EYS: variants seen among roughly 807,000 people sequenced by gnomAD.
EYS encodes the protein protein eyes shut homolog.
Under a neutral mutation model 282.1 loss-of-function variants are expected in EYS, and 250 were observed. The ratio of observed to expected loss-of-function variants is 0.89; its 90% CI spans 0.80 to 0.98. The LOEUF is 0.98. Among genes scored for constraint, EYS ranks in the 50% least tolerant of loss-of-function variants. The pLI is 0.00. For synonymous variants in EYS, 1,355 were observed against 1,282.9 expected, an observed-to-expected ratio of 1.06 and a Z score of -1.20; for missense variants, 4,016 against 3,709.0, an observed-to-expected ratio of 1.08 and a Z score of -2.15.
rs544584332 is a variant in EYS, at chr6:63,802,465, TA to T, written c.7411+3724del. On this transcript the variant is annotated intron_variant, in intron 37 of 42. Transcript: ENST00000503581. ...TGCATCCCAGAACTTAAAGTAAAAT[TA>T]AAAAAAAAAACAAATATTAGTTGCA... 9.1e-4 allele frequency among the ~76,000 whole-genome samples: 132 copies of T among 144,864 alleles called. No homozygotes were observed. The Middle Eastern group carries it at 0.011, about 12-fold the overall frequency.
chr6:64,845,835 C>T (rs1765699030), intron 19 of EYS, among the ~76,000 whole-genome samples: 2 of 152,058 alleles, frequency 1.3e-5, no homozygotes, highest in African/African-American at 4.8e-5. Context: ...AACTTTCCTC[C>T]CTATGTAAAT....
chr6:64,445,599 G>T (rs1416056955), intron 26 of EYS, among the ~76,000 whole-genome samples: 3 of 152,086 alleles, frequency 2.0e-5, no homozygotes, highest in Non-Finnish European at 4.4e-5. Context: ...GTATGTTTAT[G>T]GAAAAGCTTA....
At chr6:65,357,730 T>C (rs1764545327) in intron 8 of EYS, among the ~76,000 whole-genome samples, 1 of 152,026 alleles carries the variant, frequency 6.6e-6, no homozygotes, top group South Asian at 2.1e-4. Context: ...ACAAGTAAGA[T>C]GATTTTTAAC....
At chr6:63,750,126 GAC>G (rs1562008351) in intron 41 of EYS, among the ~76,000 whole-genome samples, 1 of 151,996 alleles carries the variant, frequency 6.6e-6, no homozygotes. Flanking sequence ...TATCTTTGTT[GAC>G]AGTCTTATTT....
At chr6:65,014,524 C>T (rs1413147903) in intron 13 of EYS, among the ~76,000 whole-genome samples, 2 of 151,964 alleles carry the variant, frequency 1.3e-5, no homozygotes, top group Admixed American at 1.3e-4. Context: ...CACACATTAT[C>T]GAGGTTAGGC....
intron 12 of EYS, among the ~76,000 whole-genome samples, chr6:65,255,399 T>TTAGACCTAAAAC: frequency 6.6e-6 from 1 of 151,478 alleles, no homozygotes; most frequent in East Asian, 1.9e-4. Flanking sequence ...ATAACTTAAG[T>TTAGACCTAAAAC]CATAAAGCTA....
chr6:65,142,816 G>A (rs568940947), intron 12 of EYS, among the ~76,000 whole-genome samples: 11 of 152,074 alleles, frequency 7.2e-5, no homozygotes, highest in Non-Finnish European at 8.8e-5. Flanking sequence ...ATGGAGGCTA[G>A]AAGATAGTGG....
intron 35 of EYS, among the ~76,000 whole-genome samples, chr6:63,887,314 G>GTTTTTTTTTTTTT (rs35622877): frequency 8.3e-6 from 1 of 120,236 alleles, no homozygotes. Context: ...AATAAAAGGT[G>GTTTTTTTTTTTTT]TTTTTTTTTT....
At chr6:64,035,515 T>C (rs994860109) in intron 33 of EYS, among the ~76,000 whole-genome samples, 4 of 152,214 alleles carry the variant, frequency 2.6e-5, no homozygotes, top group African/African-American at 7.2e-5. Flanking sequence ...TACTCCGATG[T>C]TGGTTCTTTG....
chr6:65,040,744 C>A (rs183147645), intron 13 of EYS, among the ~76,000 whole-genome samples: 199 of 151,706 alleles, frequency 1.3e-3, no homozygotes, highest in African/African-American at 4.7e-3. Context: ...AATTTGATTA[C>A]CCCCAGGTTG....
At chr6:65,504,203 A>C (rs1250151585) in intron 2 of EYS, among the ~76,000 whole-genome samples, 1 of 145,238 alleles carries the variant, frequency 6.9e-6, no homozygotes, top group African/African-American at 2.4e-5. Flanking sequence ...TTTATTTTGG[A>C]TACTATTACA....
chr6:63,987,900 T>C (rs533464501), intron 34 of EYS, among the ~76,000 whole-genome samples: 1 of 151,742 alleles, frequency 6.6e-6, no homozygotes, highest in Non-Finnish European at 1.5e-5. Flanking sequence ...TGTTTAATTC[T>C]AGGAAGAGCA....
At position 64,169,431 on chromosome 6, in the gene EYS, G is replaced by GTTTTTTTTTTTTTT. The variant is rs35657029; in HGVS notation, c.6424+61147_6424+61160dup. ...ACATACTCAAACAATTTGAGGAGGAGTTTTTTTTTTTTTTTTACAAAAAGG... is the reference window on the plus strand; with the variant it reads ...ACATACTCAAACAATTTGAGGAGGAGTTTTTTTTTTTTTTTTTTTTTTTTTTTTTTACAAAAAGG... On this transcript the variant is annotated intron_variant, in intron 31 of 42. Transcript: ENST00000503581. Among the ~76,000 whole-genome samples the GTTTTTTTTTTTTTT allele has an allele frequency of 8.5e-3, 1,194 of 140,718 alleles. 37 individuals carry two copies. Among genetic ancestry groups the GTTTTTTTTTTTTTT allele is most frequent in the African/African-American group, 0.031 (1,127 of 36,180 alleles). The allele number at this position is 140,718 out of a possible 152,430, so 92.3% of individuals were successfully genotyped here. A position where few individuals can be genotyped will look rare whatever the true frequency, so the allele number is the denominator to read the frequency against.
intron 2 of EYS, among the ~76,000 whole-genome samples, chr6:65,573,396 A>G (rs773504928): frequency 6.6e-6 from 1 of 152,212 alleles, no homozygotes; most frequent in African/African-American, 2.4e-5. Context: ...AAAGGAGACC[A>G]GCATCTTTTG....
intron 35 of EYS, among the ~76,000 whole-genome samples, chr6:63,972,522 T>C (rs1013782244): frequency 2.0e-5 from 3 of 152,202 alleles, no homozygotes; most frequent in African/African-American, 7.2e-5. Context: ...TACTAAATCA[T>C]TCAGTTTAGA....
intron 7 of EYS, among the ~76,000 whole-genome samples, chr6:65,392,388 A>T (rs367576153): frequency 1.4e-3 from 211 of 152,180 alleles, no homozygotes; most frequent in African/African-American, 2.1e-3. Context: ...ACAGGCAAGC[A>T]ACAAAATGGG....
chr6:64,216,979 C>A (rs1765949075), intron 31 of EYS, among the ~76,000 whole-genome samples: 1 of 152,130 alleles, frequency 6.6e-6, no homozygotes, highest in Non-Finnish European at 1.5e-5. Context: ...TAAACCTGTG[C>A]TTTTCAAATA....
intron 30 of EYS, among the ~76,000 whole-genome samples, chr6:64,259,338 T>A (rs1767505381): frequency 6.6e-6 from 1 of 152,102 alleles, no homozygotes. Flanking sequence ...TCTTTCTGAA[T>A]GTAGGTCTCT....
intron 24 of EYS, among the ~76,000 whole-genome samples, chr6:64,604,565 G>A (rs1217893150): frequency 6.6e-6 from 1 of 151,988 alleles, no homozygotes; most frequent in African/African-American, 2.4e-5. Context: ...TCTGGTGTCT[G>A]ATAATTGGTA....
Sources: gnomAD v4.1 joint callset for allele counts (sites outside exome capture counted in the v4.1 genomes callset) on GRCh38, gnomAD v4.1.1 for gene constraint, MANE v1.5 for transcripts, NCBI Gene and HGNC (gene_info 2026-07-23, HGNC 2026-07-21) for gene names.